Variants in SLC4A4 observed in about 807,000 individuals in gnomAD.
The protein encoded by SLC4A4 is electrogenic sodium bicarbonate cotransporter 1.
Under a neutral mutation model 111.5 loss-of-function variants are expected in SLC4A4, and 27 were observed. The ratio of observed to expected loss-of-function variants is 0.24; its 90% confidence interval spans 0.18 to 0.33. The LOEUF (loss-of-function observed/expected upper bound fraction) is 0.33. Ranked by LOEUF, SLC4A4 falls within the 10% of genes least tolerant of loss-of-function variation. The pLI is 1.00. For missense variants in SLC4A4, 909 were observed against 1,315.5 expected (o/e 0.69, Z 4.78); for synonymous variants, 443 against 463.4 (o/e 0.96, Z 0.57).
chr4:71,260,025 C>T (rs1165319790), intron 3 of SLC4A4, among the ~76,000 whole-genome samples: 2 of 152,192 alleles, frequency 1.3e-5, no homozygotes, highest in Admixed American at 6.5e-5. Flanking sequence ...TCCATACAGA[C>T]ACTCATTCAG....
At chr4:71,292,528 A>G (rs180750796) in intron 3 of SLC4A4, among the ~76,000 whole-genome samples, 1 of 152,314 alleles carries the variant, frequency 6.6e-6, no homozygotes, top group Non-Finnish European at 1.5e-5. Context: ...TAAAATACAG[A>G]GTTTTCCAAT....
At chr4:71,406,400 G>C (rs957665392) in intron 7 of SLC4A4, among the ~76,000 whole-genome samples, 2 of 151,990 alleles carry the variant, frequency 1.3e-5, no homozygotes, top group Non-Finnish European at 2.9e-5. Context: ...AATCTCTGCA[G>C]AGTAAGTTTA....
intron 3 of SLC4A4, among the ~76,000 whole-genome samples, chr4:71,298,627 A>G (rs556290079): frequency 1.3e-5 from 2 of 152,248 alleles, no homozygotes; most frequent in South Asian, 2.1e-4. Flanking sequence ...ACAGTCAACA[A>G]CATAGGAAAA....
At chr4:71,113,812 A>C (rs12331056) in intron 2 of SLC4A4, among the ~76,000 whole-genome samples, 4,292 of 152,300 alleles carry the variant, frequency 0.028, 78 homozygotes, top group Middle Eastern at 0.058. Context: ...AAATCTGTTA[A>C]ACATTTCAAT....
rs745674797 is a variant in SLC4A4 at position 71,532,092 on chromosome 4, A to G, written c.2197A>G (p.Ile733Val). The G allele has an allele frequency of 6.2e-7, 1 of 1,612,956 alleles. No homozygotes were observed. The highest frequency in any genetic ancestry group is 2.2e-5 in the East Asian group (1 of 44,838). The change falls in exon 17 of 26, where the codon ATC (isoleucine) becomes GTC (valine). Residue 733 changes from isoleucine to valine, a missense_variant. Physicochemically the swap from Ile to Val is conservative, Grantham distance 29. Coordinates refer to ENST00000264485, the MANE Select transcript of SLC4A4 (RefSeq NM_001098484.3). ...AAAACTGATCAGTGATTTTGCCATTATCTTGTCCATTCTCATCTTTTGTGT... is the reference window on the plus strand; with the variant it reads ...AAAACTGATCAGTGATTTTGCCATTGTCTTGTCCATTCTCATCTTTTGTGT... The part of the protein sequence containing the change: ...ARKLISDFAI[I>V]LSILIFCVID...
In SLC4A4 at chr4:71,124,173, A is replaced by G. The variant is rs530316165; in HGVS notation, c.-2+31381A>G. 5.4e-4 allele frequency among the ~76,000 whole-genome samples: 42 copies of G among 77,212 alleles called. No individual in the cohort carries two copies. In the East Asian group the frequency reaches 0.019, roughly 34 times the overall value. 50.7% of individuals were successfully genotyped at this position (77,212 alleles called of 152,430 possible). On this transcript the variant is annotated intron_variant, in intron 2 of 26. Transcript: ENST00000649996. ...AGTTAATCAAACACCCTAGGCCCACACTTTTTTTTTTTTTTTTTGTGACAG... is the reference window on the plus strand; with the variant it reads ...AGTTAATCAAACACCCTAGGCCCACGCTTTTTTTTTTTTTTTTTGTGACAG...
chr4:71,338,079 C>A (rs1205065564), intron 3 of SLC4A4, among the ~76,000 whole-genome samples: 1 of 151,928 alleles, frequency 6.6e-6, no homozygotes, highest in African/African-American at 2.4e-5. Flanking sequence ...GTGATCCACC[C>A]GCCTCGGCCT....
intron 16 of SLC4A4, among the ~76,000 whole-genome samples, chr4:71,530,854 C>T (rs1733850757): frequency 1.3e-5 from 2 of 152,126 alleles, no homozygotes; most frequent in Admixed American, 1.3e-4. Flanking sequence ...TGCATCCACT[C>T]AGCCCATCAC....
At chr4:71,187,528 GGA>G (rs1745529056) in intron 1 of SLC4A4, 127 bp downstream of exon 1, 2 of 152,868 alleles carry the variant, frequency 1.3e-5, no homozygotes, top group Non-Finnish European at 1.5e-5. Flanking sequence ...CTCCTGGGAG[GGA>G]GAGAGAGGTC....
At chr4:71,416,069 C>A (rs1047943150) in intron 7 of SLC4A4, among the ~76,000 whole-genome samples, 4 of 152,208 alleles carry the variant, frequency 2.6e-5, no homozygotes, top group African/African-American at 9.6e-5. Context: ...CTGTCTAATT[C>A]CAAAGCTTAT....
chr4:71,344,277 C>T (rs929128360), intron 4 of SLC4A4, among the ~76,000 whole-genome samples: 3 of 152,174 alleles, frequency 2.0e-5, no homozygotes, highest in African/African-American at 7.2e-5. Flanking sequence ...GCTCCACCTA[C>T]ATTCTTTGGA....
In SLC4A4 at chr4:71,466,503, T is replaced by C; in HGVS notation, c.1557T>C (p.Ala519=). The C allele has an allele frequency of 6.2e-7, 1 of 1,613,758 alleles. No individual in the cohort carries two copies. The highest frequency in any genetic ancestry group is 8.5e-7 in the Non-Finnish European group (1 of 1,179,740). ...CTGGAGCCATCTTTTGCCTTTTTGCTGGTCAACCACTCACTATTCTGAGCA... is the reference window on the plus strand; with the variant it reads ...CTGGAGCCATCTTTTGCCTTTTTGCCGGTCAACCACTCACTATTCTGAGCA... ...AVSGAIFCLF[A]GQPLTILSST... is the part of the protein sequence containing the mutation. Residue 519 remains alanine (A), a synonymous_variant, in exon 13 of 26, where the codon GCT becomes GCC. Transcript: ENST00000264485.
At chr4:71,269,640 C>G (rs934018949) in intron 3 of SLC4A4, among the ~76,000 whole-genome samples, 4 of 152,134 alleles carry the variant, frequency 2.6e-5, no homozygotes, top group Non-Finnish European at 1.5e-5. Flanking sequence ...GAACACATAA[C>G]ATTTGTCATG....
chr4:71,263,290 C>A (rs1722003745), intron 3 of SLC4A4, among the ~76,000 whole-genome samples: 1 of 152,086 alleles, frequency 6.6e-6, no homozygotes, highest in African/African-American at 2.4e-5. Context: ...ATAACTTCCC[C>A]AGTTTTTGAA....
At chr4:71,167,016 A>G (rs873953) in intron 2 of SLC4A4, among the ~76,000 whole-genome samples, 16,670 of 152,112 alleles carry the variant, frequency 0.11, 1,626 homozygotes, top group African/African-American at 0.25. Context: ...TAAGCATTTT[A>G]TTATGTTCAC....
chr4:71,523,605 C>G (rs1733153784), intron 16 of SLC4A4, among the ~76,000 whole-genome samples: 1 of 152,042 alleles, frequency 6.6e-6, no homozygotes, highest in Non-Finnish European at 1.5e-5. Flanking sequence ...CCATGGAAAC[C>G]TCTTGGTCCT....
chr4:71,415,472 T>C (rs1721750852), intron 7 of SLC4A4, among the ~76,000 whole-genome samples: 1 of 152,212 alleles, frequency 6.6e-6, no homozygotes, highest in Non-Finnish European at 1.5e-5. Context: ...TTGTATATTA[T>C]CATTAACCTT....
chr4:71,138,914 C>T (rs977445258), intron 2 of SLC4A4, among the ~76,000 whole-genome samples: 8 of 151,686 alleles, frequency 5.3e-5, no homozygotes, highest in Middle Eastern at 3.2e-3. Flanking sequence ...TGGGCGCCTG[C>T]AGTCCCAGCT....
intron 7 of SLC4A4, among the ~76,000 whole-genome samples, chr4:71,430,714 C>G (rs949007343): frequency 6.6e-6 from 1 of 152,142 alleles, no homozygotes; most frequent in Non-Finnish European, 1.5e-5. Flanking sequence ...TCTTTTGATT[C>G]TGCTGGTTTC....
Sources: allele counts gnomAD v4.1 joint callset (sites outside exome capture counted in the v4.1 genomes callset), GRCh38; gene constraint gnomAD v4.1.1; transcripts MANE v1.5; gene names NCBI Gene and HGNC (gene_info 2026-07-23, HGNC 2026-07-21).